Variants in TEX15 observed in about 807,000 individuals in gnomAD.
TEX15 encodes testis expressed 15, meiosis and synapsis associated.
Under a neutral mutation model 237.3 loss-of-function variants are expected in TEX15, and 171 were observed. The ratio of observed to expected loss-of-function variants is 0.72; its 90% CI spans 0.64 to 0.82. The LOEUF is 0.82. Ranked by LOEUF, TEX15 falls within the 40% of genes least tolerant of loss-of-function variation. TEX15 has a pLI of 0.00. For synonymous variants in TEX15, 1,338 were observed against 1,269.8 expected, an observed-to-expected ratio of 1.05 and a Z score of -1.14; for missense variants, 3,750 against 3,646.5, an observed-to-expected ratio of 1.03 and a Z score of -0.73.
intron 1 of TEX15, among the ~76,000 whole-genome samples, chr8:30,911,066 T>G (rs1809205283): frequency 6.6e-6 from 1 of 152,148 alleles, no homozygotes; most frequent in Admixed American, 6.5e-5. Context: ...ATTCAATAAA[T>G]TTAACCATTT....
intron 4 of TEX15, among the ~76,000 whole-genome samples, chr8:30,874,222 A>G (rs1056853567): frequency 2.6e-5 from 4 of 152,196 alleles, no homozygotes; most frequent in African/African-American, 9.6e-5. Context: ...TGAACAAGCC[A>G]AAACATTCCA....
intron 7 of TEX15, among the ~76,000 whole-genome samples, chr8:30,851,409 C>T (rs757863401): frequency 4.6e-5 from 7 of 152,150 alleles, no homozygotes; most frequent in South Asian, 2.1e-4. Flanking sequence ...GCGGGCAGAT[C>T]ACTTGAGGTC....
intron 2 of TEX15, among the ~76,000 whole-genome samples, chr8:30,898,300 G>A (rs563674129): frequency 3.3e-4 from 50 of 152,260 alleles, no homozygotes; most frequent in Admixed American, 9.8e-4. Context: ...TGATTAAGTC[G>A]AGAACAGACC....
At position 30,844,018 on chromosome 8, in the gene TEX15, T is replaced by TTCAATATC. The variant is rs1158936803; in HGVS notation, c.6148_6149insGATATTGA (p.Glu2050GlyfsTer3). ...CCACAGGTTTTGGTCTACCAACAGT[T>TTCAATATC]CTCTTGAAATCAGGATTTGTTCAAC... On this transcript the variant is annotated stop_gained and frameshift_variant, in exon 8 of 11. Coordinates refer to ENST00000643185, the MANE Select transcript of TEX15 (RefSeq NM_001350162.2). LOFTEE classifies it high-confidence loss of function. The TTCAATATC allele has an allele frequency of 6.2e-7, 1 of 1,611,750 alleles. No individual in the cohort carries two copies. Among genetic ancestry groups the TTCAATATC allele is most frequent in the Non-Finnish European group, 8.5e-7 (1 of 1,179,050 alleles).
Position 30,837,444 on chromosome 8 carries a change from G to C in TEX15, c.8840C>G (p.Pro2947Arg), listed in dbSNP as rs1441997395. 6.2e-7 allele frequency: 1 copy of C among 1,614,118 alleles called. No individual in the cohort carries two copies. Among genetic ancestry groups the C allele is most frequent in the Admixed American group, 1.7e-5 (1 of 60,020 alleles). ...PEPICIQNKI[P>R]TLQINKLQPT... is the part of the protein sequence containing the mutation. ...CTGTAGTTTGTTTATCTGCAGAGTA[G>C]GAATTTTGTTCTGGATACAGATGGG... Residue 2947 changes from proline to arginine, a missense_variant, in exon 10 of 11, where the codon CCT becomes CGT. Pro to Arg is a moderately radical substitution (Grantham distance 103, BLOSUM62 -2). Coordinates refer to ENST00000643185, the MANE Select transcript of TEX15 (RefSeq NM_001350162.2).
chr8:30,909,318 C>T (rs1266781577), intron 1 of TEX15, among the ~76,000 whole-genome samples: 1 of 151,844 alleles, frequency 6.6e-6, no homozygotes, highest in Non-Finnish European at 1.5e-5. Context: ...TTTAATTGTC[C>T]ACATGTATTC....
intron 5 of TEX15, among the ~76,000 whole-genome samples, chr8:30,866,653 T>C (rs1364116518): frequency 6.6e-6 from 1 of 152,024 alleles, no homozygotes. Flanking sequence ...TATATGATAC[T>C]TTCATAATAC....
rs1393804796 is a variant in TEX15, at chr8:30,832,479, G to C, written c.*807C>G. On this transcript the variant is annotated 3_prime_UTR_variant, in exon 11 of 11. Transcript: ENST00000643185. Reference sequence around the variant, plus strand: ...GTTGCCCTATGATGATTATTACTAAGAGAGTTTTTACTTTTGCAGAAGGTT... The same window carrying C: ...GTTGCCCTATGATGATTATTACTAACAGAGTTTTTACTTTTGCAGAAGGTT... 6.6e-6 allele frequency: 1 copy of C among 152,178 alleles called. No homozygotes were observed. The highest frequency in any genetic ancestry group is 1.5e-5 in the Non-Finnish European group (1 of 68,030). The allele number at this position is 152,178 out of a possible 1,614,324, so 9.4% of individuals were successfully genotyped here. A position where few individuals can be genotyped will look rare whatever the true frequency, so the allele number is the denominator to read the frequency against.
At chr8:30,836,673 AC>A (rs1244351121) in intron 10 of TEX15, 129 bp downstream of exon 10, 3 of 858,834 alleles carry the variant, frequency 3.5e-6, no homozygotes, top group Non-Finnish European at 5.3e-6. Context: ...TGGCAATTCT[AC>A]AAATCTGTAC....
rs773783071 is a variant in TEX15, at chr8:30,848,096, T to C, written c.2071A>G (p.Thr691Ala). 1 of 1,610,774 alleles carries C rather than the reference T, an allele frequency of 6.2e-7. No individual in the cohort carries two copies. Among genetic ancestry groups the C allele is most frequent in the Admixed American group, 1.7e-5 (1 of 59,842 alleles). Reference protein sequence around the residue: ...KILITQELEITKSSTSTIKDK... With the variant: ...KILITQELEIAKSSTSTIKDK... ...TTTATGGTAGATGTAGAAGATTTTG[T>C]TATTTCTAACTCTTGAGTAATTAAT... The change falls in exon 8 of 11, where the codon ACA (threonine) becomes GCA (alanine). Residue 691 changes from threonine (T) to alanine (A), a missense_variant. By Grantham distance (58) the Thr-to-Ala change is moderately conservative (BLOSUM62 0). Coordinates refer to ENST00000643185, the MANE Select transcript of TEX15 (RefSeq NM_001350162.2).
At chr8:30,875,172 G>C (rs1808375196) in intron 3 of TEX15, 70 bp from the exon 4 acceptor site, 1 of 998,370 alleles carries the variant, frequency 1.0e-6, no homozygotes, top group African/African-American at 1.7e-5. Flanking sequence ...AATGACAACT[G>C]TATCTCTAAG....
chr8:30,833,385 A>G, intron 10 of TEX15, 62 bp from the exon 11 acceptor site: 1 of 1,277,652 alleles, frequency 7.8e-7, no homozygotes, highest in Non-Finnish European at 1.1e-6. Context: ...ACATGATACT[A>G]TAGTGGAAAG....
chr8:30,836,763 T>C, intron 10 of TEX15, 40 bp downstream of exon 10: 1 of 1,507,960 alleles, frequency 6.6e-7, no homozygotes, highest in Non-Finnish European at 8.9e-7. Context: ...CAGTTAAAAG[T>C]AACAACTCAA....
intron 7 of TEX15, among the ~76,000 whole-genome samples, chr8:30,851,667 A>G (rs936871048): frequency 6.0e-5 from 9 of 150,672 alleles, no homozygotes. Context: ...ATTAATATAT[A>G]CCAATGTGGG....
chr8:30,844,591 T>C lies in TEX15; in HGVS notation c.5576A>G (p.Lys1859Arg). 1 of 1,613,258 alleles carries C rather than the reference T, an allele frequency of 6.2e-7. No homozygotes were observed. The highest frequency in any genetic ancestry group is 8.5e-7 in the Non-Finnish European group (1 of 1,179,554). ...QAEKAKDSVY[K>R]RSMTEGSTVN... is the part of the protein sequence containing the mutation. The stretch of plus-strand genomic sequence containing the variant: ...AGTTGATCCTTCAGTCATGCTTCTT[T>C]TGTAAACAGAATCTTTTGCTTTTTC... The change falls in exon 8 of 11, where the codon AAA becomes AGA. Residue 1859 changes from lysine to arginine, a missense_variant. Coordinates refer to ENST00000643185, the MANE Select transcript of TEX15 (RefSeq NM_001350162.2).
At chr8:30,875,358 A>T (rs1406940538) in intron 3 of TEX15, among the ~76,000 whole-genome samples, 1 of 152,240 alleles carries the variant, frequency 6.6e-6, no homozygotes, top group Non-Finnish European at 1.5e-5. Context: ...CAGATATGAC[A>T]GTCCCAGAAT....
chr8:30,848,134 C>A lies in TEX15; in HGVS notation c.2033G>T (p.Ser678Ile). 6.2e-7 allele frequency: 1 copy of A among 1,609,054 alleles called. No homozygotes were observed. The highest frequency in any genetic ancestry group is 8.5e-7 in the Non-Finnish European group (1 of 1,178,006). The stretch of plus-strand genomic sequence containing the variant: ...TTGAGTAATTAATATTTTATCACAG[C>A]TTTTCCCAAAAGAATTATGACTCTC... ...ESESHNSFGK[S>I]CDKILITQEL... The change falls in exon 8 of 11, where the codon AGC (serine) becomes ATC (isoleucine). Residue 678 changes from serine to isoleucine, a missense_variant. Transcript: ENST00000643185.
At chr8:30,871,646 C>T (rs574116576) in intron 4 of TEX15, among the ~76,000 whole-genome samples, 137 of 152,222 alleles carry the variant, frequency 9.0e-4, no homozygotes, top group Non-Finnish European at 5.4e-4. Context: ...CATTTGGCTA[C>T]GCTTTTTCAC....
Position 30,875,098 on chromosome 8 carries a change from G to A in TEX15, c.141C>T (p.Tyr47=), listed in dbSNP as rs1808373958. ...PKIRRTAEKV[Y]LSPCYTNSRE... ...TACTATTGGTGTAACAAGGTGACAA[G>A]TAAACTAAAGGTAGAAAAAGAGAAA... is the stretch of plus-strand genomic sequence containing the variant. The change falls in exon 4 of 11, where the codon TAC becomes TAT. Residue 47 remains tyrosine, a synonymous_variant. Transcript: ENST00000643185. The A allele has an allele frequency of 1.6e-6, 2 of 1,238,602 alleles. No homozygotes were observed. Among genetic ancestry groups the A allele is most frequent in the African/African-American group, 3.1e-5 (2 of 64,694 alleles). 76.7% of individuals were successfully genotyped at this position (1,238,602 alleles called of 1,614,324 possible). A position where few individuals can be genotyped will look rare whatever the true frequency, so the allele number is the denominator to read the frequency against.
Sources: gnomAD v4.1 joint callset for allele counts (sites outside exome capture counted in the v4.1 genomes callset) on GRCh38, gnomAD v4.1.1 for gene constraint, MANE v1.5 for transcripts, NCBI Gene and HGNC (gene_info 2026-07-23, HGNC 2026-07-21) for gene names.